The following NLRP8 variants were observed in gnomAD, a reference collection of about 807,000 sequenced individuals.
NLRP8 encodes NLR family pyrin domain containing 8.
Under a neutral mutation model 88.7 loss-of-function variants are expected in NLRP8, and 86 were observed. That is an observed-to-expected ratio of 0.97 (90% confidence interval 0.81 to 1.16). NLRP8 has a LOEUF of 1.16. NLRP8 is among the 50% of genes most tolerant of loss of function. NLRP8 has a pLI of 0.00. For synonymous variants in NLRP8, 504 were observed against 494.6 expected, an observed-to-expected ratio of 1.02 and a Z score of -0.25; for missense variants, 1,342 against 1,286.5, an observed-to-expected ratio of 1.04 and a Z score of -0.66.
chr19:55,977,786 T>C (rs994691563), intron 8 of NLRP8, among the ~76,000 whole-genome samples: 6 of 152,112 alleles, frequency 3.9e-5, no homozygotes, highest in Middle Eastern at 6.8e-3. Flanking sequence ...ATAGTCTTGG[T>C]ATTTAATCTA....
chr19:55,952,677 A>T, intron 2 of NLRP8, 65 bp downstream of exon 2: 1 of 1,343,286 alleles, frequency 7.4e-7, no homozygotes, highest in African/African-American at 1.4e-5. Flanking sequence ...TGAGCTGCTC[A>T]GTTGCTAAGG....
intron 9 of NLRP8, among the ~76,000 whole-genome samples, chr19:55,984,903 T>C (rs917680883): frequency 6.6e-6 from 1 of 152,220 alleles, no homozygotes; most frequent in African/African-American, 2.4e-5. Flanking sequence ...GGGAACACTG[T>C]CTTTCAAAGA....
At chr19:55,978,086 C>T (rs116171927) in intron 8 of NLRP8, among the ~76,000 whole-genome samples, 2,179 of 152,074 alleles carry the variant, frequency 0.014, 53 homozygotes, top group African/African-American at 0.049. Context: ...TTTTTCAGAT[C>T]ACAAAATTAA....
rs756613520 is a variant in NLRP8, at chr19:55,947,950, C to G, written c.48C>G (p.Ser16=). 3 of 1,613,948 alleles carry G rather than the reference C, an allele frequency of 1.9e-6. No homozygotes were observed. The South Asian group carries it at 3.3e-5, about 18-fold the overall frequency. ...CTGACACCCCCATTCCCTTTTCATC[C>G]TCCTCCACTCACAGTTCTCATATTC... The change falls in exon 1 of 10, where the codon TCC becomes TCG. Residue 16 remains serine, a synonymous_variant. Transcript: ENST00000291971.
At chr19:55,965,331 G>C (rs944729127) in intron 4 of NLRP8, among the ~76,000 whole-genome samples, 1 of 151,776 alleles carries the variant, frequency 6.6e-6, no homozygotes, top group Non-Finnish European at 1.5e-5. Flanking sequence ...GGTGCCTGTA[G>C]TTCCAGCTAC....
rs768501885 is a variant in NLRP8, at chr19:55,966,214, C to T, written c.2215C>T (p.Leu739=). ...AAGGAGACGCTCTTCCCTCTCCAGC[C>T]TAAGGCGTGTGAATAGCACCATGTT... Residue 739 remains leucine, a splice_region_variant and synonymous_variant, in exon 5 of 10, where the codon CTA becomes TTA. Transcript: ENST00000291971. 6.2e-7 allele frequency: 1 copy of T among 1,613,920 alleles called. No homozygotes were observed. The highest frequency in any genetic ancestry group is 2.2e-5 in the East Asian group (1 of 44,870).
rs1273582400 is a variant in NLRP8 at position 55,988,598 on chromosome 19, C to T, written c.*685C>T. 1 of 149,558 alleles carries T rather than the reference C, an allele frequency of 6.7e-6. No individual in the cohort carries two copies. Among genetic ancestry groups the T allele is most frequent in the Non-Finnish European group, 1.5e-5 (1 of 67,206 alleles). 9.3% of individuals were successfully genotyped at this position (149,558 alleles called of 1,614,324 possible). A position where few individuals can be genotyped will look rare whatever the true frequency, so the allele number is the denominator to read the frequency against. On this transcript the variant is annotated 3_prime_UTR_variant, in exon 10 of 10. Coordinates refer to ENST00000291971, the MANE Select transcript of NLRP8 (RefSeq NM_176811.2). ...TGAATGTATGAACCTGCTCAATCACCTCATCTTAAAAATAAAATCACTGTC... is the reference window on the plus strand; with the variant it reads ...TGAATGTATGAACCTGCTCAATCACTTCATCTTAAAAATAAAATCACTGTC...
chr19:55,971,977 T>C (rs1015939192), intron 6 of NLRP8, among the ~76,000 whole-genome samples: 4 of 152,182 alleles, frequency 2.6e-5, no homozygotes, highest in African/African-American at 4.8e-5. Context: ...TGTCTTCCCA[T>C]GTATTTAATG....
Position 55,966,360 on chromosome 19 carries a change from G to C in NLRP8, c.2361G>C (p.Arg787=), listed in dbSNP as rs1979842245. The change falls in exon 5 of 10, where the codon CGG becomes CGC. Residue 787 remains arginine, a synonymous_variant. Transcript: ENST00000291971. ...TATGCAGGGTGCTGAGATCCCCCCG[G>C]TGCCGTCTGCAGTGTCTCAGGTGAG... 6.2e-7 allele frequency: 1 copy of C among 1,613,864 alleles called. No homozygotes were observed. The highest frequency in any genetic ancestry group is 8.5e-7 in the Non-Finnish European group (1 of 1,179,906).
chr19:55,963,019 C>T (rs934051989), intron 4 of NLRP8, among the ~76,000 whole-genome samples: 2 of 151,508 alleles, frequency 1.3e-5, no homozygotes, highest in African/African-American at 2.4e-5. Context: ...TACTATTATC[C>T]CCCCCCTTTT....
At position 55,955,300 on chromosome 19, in the gene NLRP8, C is replaced by T. The variant is rs147438346; in HGVS notation, c.1242C>T (p.Asn414=). The T allele has an allele frequency of 5.6e-6, 9 of 1,614,176 alleles. No homozygotes were observed. The East Asian group carries it at 1.6e-4, about 28-fold the overall frequency. Residue 414 remains asparagine (N), a synonymous_variant, in exon 3 of 10, where the codon AAC becomes AAT. Coordinates refer to ENST00000291971, the MANE Select transcript of NLRP8 (RefSeq NM_176811.2). ...TGAAACAGCAAATGGAGAGAGGAAA[C>T]AATCTCACACAGTCATGTCCAAATG...
chr19:55,973,191 C>T (rs1208196847), intron 6 of NLRP8, among the ~76,000 whole-genome samples: 4 of 152,164 alleles, frequency 2.6e-5, no homozygotes, highest in Non-Finnish European at 5.9e-5. Flanking sequence ...TTGCAGTTCC[C>T]TGATACTTAG....
chr19:55,954,768 G>A lies in NLRP8; in HGVS notation c.710G>A (p.Arg237His), dbSNP rs142225833. Residue 237 changes from arginine (R) to histidine (H), a missense_variant, in exon 3 of 10, where the codon CGC becomes CAC. Coordinates refer to ENST00000291971, the MANE Select transcript of NLRP8 (RefSeq NM_176811.2). Reference sequence around the variant, plus strand: ...AGAAACAAGTTCTACGCCCACAAGCGCTGGTGTGCTTTCTACTTCCATTGC... The same window carrying A: ...AGAAACAAGTTCTACGCCCACAAGCACTGGTGTGCTTTCTACTTCCATTGC... The A allele has an allele frequency of 4.7e-4, 766 of 1,614,066 alleles. No individual in the cohort carries two copies. The highest frequency in any genetic ancestry group is 6.0e-4 in the Non-Finnish European group (712 of 1,180,054).
At chr19:55,966,438 G>C in intron 5 of NLRP8, 58 bp downstream of exon 5, 2 of 1,514,520 alleles carry the variant, frequency 1.3e-6, no homozygotes, top group Non-Finnish European at 1.8e-6. Flanking sequence ...GTCTTTTCAA[G>C]GGCGGTGATG....
intron 4 of NLRP8, among the ~76,000 whole-genome samples, chr19:55,965,101 C>A (rs957321135): frequency 1.4e-4 from 22 of 151,992 alleles, no homozygotes; most frequent in Admixed American, 5.2e-4. Context: ...GCCTGGACAA[C>A]ATAGTGAGAC....
In NLRP8 at chr19:55,966,385, G is replaced by T. The variant is rs370437021; in HGVS notation, c.2381+5G>T. The T allele has an allele frequency of 2.5e-6, 4 of 1,612,770 alleles. No homozygotes were observed. The highest frequency in any genetic ancestry group is 3.4e-6 in the Non-Finnish European group (4 of 1,179,220). On this transcript the variant is annotated splice_donor_5th_base_variant and intron_variant, in intron 5 of 9. Coordinates refer to ENST00000291971, the MANE Select transcript of NLRP8 (RefSeq NM_176811.2). ...GTGCCGTCTGCAGTGTCTCAGGTGA[G>T]ATTTGAGAGGGGGGTTAGAGTGGGA...
intron 5 of NLRP8, among the ~76,000 whole-genome samples, chr19:55,969,804 C>A (rs1404744057): frequency 2.0e-5 from 3 of 152,216 alleles, no homozygotes; most frequent in Non-Finnish European, 4.4e-5. Context: ...CTCCGCATTT[C>A]ATTACCTTTC....
At chr19:55,985,603 A>G (rs957795661) in intron 9 of NLRP8, among the ~76,000 whole-genome samples, 5 of 152,332 alleles carry the variant, frequency 3.3e-5, no homozygotes, top group African/African-American at 1.2e-4. Flanking sequence ...TATAGTATAA[A>G]TCTAAATATG....
chr19:55,953,601 G>A (rs942020958), intron 2 of NLRP8, among the ~76,000 whole-genome samples: 2 of 151,908 alleles, frequency 1.3e-5, no homozygotes, highest in Non-Finnish European at 2.9e-5. Flanking sequence ...CCAGGTTCAA[G>A]TGATTCTCCT....
Sources: allele counts gnomAD v4.1 joint callset (sites outside exome capture counted in the v4.1 genomes callset), GRCh38; gene constraint gnomAD v4.1.1; transcripts MANE v1.5; gene names NCBI Gene and HGNC (gene_info 2026-07-23, HGNC 2026-07-21).